The following ACOX2 variants were observed in gnomAD, a reference collection of about 807,000 sequenced individuals.
The protein encoded by ACOX2 is acyl-CoA oxidase 2, also known as peroxisomal acyl-coenzyme A oxidase 2.
In ACOX2, 59 loss-of-function variants were observed where a neutral mutation model predicts 77.5. The observed-to-expected ratio is 0.76, with a 90% CI of 0.62 to 0.95. The LOEUF is 0.95. ACOX2 is among the 40% of genes least tolerant of loss of function. The probability of loss-of-function intolerance (pLI) is 0.00; values close to 1 mark genes in which losing one functional copy is unlikely to be tolerated. For missense variants in ACOX2, 837 were observed against 880.4 expected (o/e 0.95, Z 0.62); for synonymous variants, 317 against 340.1 (o/e 0.93, Z 0.75).
rs140322378 is a variant in ACOX2 at position 58,535,333 on chromosome 3, G to A, written c.-91-136C>T. The A allele has an allele frequency of 4.2e-4, 243 of 584,264 alleles. 6 individuals are homozygous for A. In the East Asian group the frequency reaches 5.5e-3, roughly 13 times the overall value. The allele number at this position is 584,264 out of a possible 1,614,324, so 36.2% of individuals were successfully genotyped here. ...ACACTGGCTGTGGACCAGGCACTGT[G>A]TGCATGGTAGGCATGGTATGCAGCC... On this transcript the variant is annotated intron_variant, in intron 1 of 14. Coordinates refer to ENST00000302819, the MANE Select transcript of ACOX2 (RefSeq NM_003500.4). The surrounding 1 kb of genome is among the most constrained non-coding windows in gnomAD (Gnocchi z 4.8).
At chr3:58,530,022 A>C (rs2063425137) in intron 8 of ACOX2, among the ~76,000 whole-genome samples, 1 of 152,228 alleles carries the variant, frequency 6.6e-6, no homozygotes, top group Non-Finnish European at 1.5e-5. Flanking sequence ...CACACAGTCG[A>C]TATGATATTG....
chr3:58,512,525 T>G lies in ACOX2; in HGVS notation c.1851-3500A>C, dbSNP rs766981197. ...CCATGCTCAAAACCCTCGCATTCTC[T>G]TAAGTCTTTGCAATGATCTACCTTA... On this transcript the variant is annotated intron_variant, in intron 13 of 14. Coordinates refer to ENST00000302819, the MANE Select transcript of ACOX2 (RefSeq NM_003500.4). The surrounding 1 kb of genome is among the most constrained non-coding windows in gnomAD (Gnocchi z 4.8). Among the ~76,000 whole-genome samples, 14 of 152,202 alleles carry G rather than the reference T, an allele frequency of 9.2e-5. No individual in the cohort carries two copies. The highest frequency in any genetic ancestry group is 1.9e-4 in the Non-Finnish European group (13 of 68,034).
rs1359591703 is a variant in ACOX2, at chr3:58,522,612, A to C, written c.1527-11T>G. 1 of 1,613,678 alleles carries C rather than the reference A, an allele frequency of 6.2e-7. No individual in the cohort carries two copies. The highest frequency in any genetic ancestry group is 8.5e-7 in the Non-Finnish European group (1 of 1,179,580). On this transcript the variant is annotated splice_polypyrimidine_tract_variant and intron_variant, in intron 11 of 14. Transcript: ENST00000302819. The surrounding 1 kb of genome is among the most constrained non-coding windows in gnomAD (Gnocchi z 4.3). Reference sequence around the variant, plus strand: ...GAGTCCTTTATGAGCCTGAAAGCCAAAGCAAAAAAGGTTCAGCTTCCTGAC... The same window carrying C: ...GAGTCCTTTATGAGCCTGAAAGCCACAGCAAAAAAGGTTCAGCTTCCTGAC...
Position 58,531,842 on chromosome 3 carries a change from C to T in ACOX2, c.584-30G>A, listed in dbSNP as rs776694700. On this transcript the variant is annotated intron_variant, in intron 5 of 14. Coordinates refer to ENST00000302819, the MANE Select transcript of ACOX2 (RefSeq NM_003500.4). This position sits in a 1 kb window ranked among gnomAD's most constrained non-coding sequence, Gnocchi z 5.8. ...GGGCAGAGAGAGTAGCGGCCCGTCA[C>T]AGGAAGACCTGTGCATTGCTTTTCC... The T allele has an allele frequency of 6.2e-6, 10 of 1,602,710 alleles. No homozygotes were observed. In the Admixed American group the frequency reaches 1.2e-4, roughly 19 times the overall value.
In ACOX2 at chr3:58,533,792, C is replaced by T. The variant is rs1169679167; in HGVS notation, c.475+202G>A. 1.4e-6 allele frequency: 1 copy of T among 728,376 alleles called. No individual in the cohort carries two copies. The highest frequency in any genetic ancestry group is 2.2e-6 in the Non-Finnish European group (1 of 451,346). 45.1% of individuals were successfully genotyped at this position (728,376 alleles called of 1,614,324 possible). A position where few individuals can be genotyped will look rare whatever the true frequency, so the allele number is the denominator to read the frequency against. ...GATGTTTCCAGAAGGAATGACTTGCCCCACTGGGAGCTCATACAATACGTG... is the reference window on the plus strand; with the variant it reads ...GATGTTTCCAGAAGGAATGACTTGCTCCACTGGGAGCTCATACAATACGTG... On this transcript the variant is annotated intron_variant, in intron 4 of 14. Coordinates refer to ENST00000302819, the MANE Select transcript of ACOX2 (RefSeq NM_003500.4). The surrounding 1 kb of genome is among the most constrained non-coding windows in gnomAD (Gnocchi z 5.6).
At chr3:58,529,597 C>T (rs2063422032) in intron 8 of ACOX2, among the ~76,000 whole-genome samples, 1 of 152,224 alleles carries the variant, frequency 6.6e-6, no homozygotes, top group South Asian at 2.1e-4. Context: ...GACACTTCTG[C>T]AGCCCAGATA....
At position 58,534,612 on chromosome 3, in the gene ACOX2, G is replaced by A. The variant is rs2108013254; in HGVS notation, c.161-90C>T. ...CTCACCCACTTGCTTCATGGATCTG[G>A]AAAGGAAGTCAGACATTATTGTTAT... On this transcript the variant is annotated intron_variant, in intron 2 of 14. Coordinates refer to ENST00000302819, the MANE Select transcript of ACOX2 (RefSeq NM_003500.4). This position sits in a 1 kb window ranked among gnomAD's most constrained non-coding sequence, Gnocchi z 4.8. 1 of 1,605,814 alleles carries A rather than the reference G, an allele frequency of 6.2e-7. No homozygotes were observed. Among genetic ancestry groups the A allele is most frequent in the Non-Finnish European group, 8.5e-7 (1 of 1,177,586 alleles).
Position 58,515,138 on chromosome 3 carries a change from A to T in ACOX2, c.1850+2068T>A, listed in dbSNP as rs2063313254. On this transcript the variant is annotated intron_variant, in intron 13 of 14. Transcript: ENST00000302819. This position sits in a 1 kb window ranked among gnomAD's most constrained non-coding sequence, Gnocchi z 4.0. ...TCCCGGGTTCAAGCGATTCTGCCTC[A>T]GCCTCCCAAGTAACTGGGATTACAG... 6.6e-6 allele frequency among the ~76,000 whole-genome samples: 1 copy of T among 151,948 alleles called. No homozygotes were observed. Among genetic ancestry groups the T allele is most frequent in the South Asian group, 2.1e-4 (1 of 4,828 alleles).
rs148039928 is a variant in ACOX2, at chr3:58,534,414, A to T, written c.269T>A (p.Ile90Lys). 2 of 1,614,078 alleles carry T rather than the reference A, an allele frequency of 1.2e-6. No homozygotes were observed. Among genetic ancestry groups the T allele is most frequent in the Admixed American group, 1.7e-5 (1 of 60,004 alleles). The change falls in exon 3 of 15, where the codon ATA becomes AAA. Residue 90 changes from isoleucine to lysine, a missense_variant. Coordinates refer to ENST00000302819, the MANE Select transcript of ACOX2 (RefSeq NM_003500.4). The surrounding 1 kb of genome is among the most constrained non-coding windows in gnomAD (Gnocchi z 4.8). ...AMRRAFHIRL[I>K]ARRLGWLEDG... ...TTCTAACCAACCCAGGCGCCGAGCT[A>T]TCAACCGGATGTGGAATGCCCTCCG...
In ACOX2 at chr3:58,528,285, C is replaced by T. The variant is rs995068494; in HGVS notation, c.1155+509G>A. On this transcript the variant is annotated intron_variant, in intron 9 of 14. Transcript: ENST00000302819. This position sits in a 1 kb window ranked among gnomAD's most constrained non-coding sequence, Gnocchi z 5.6. ...AAGTCCACAATGCTTTACCTGAGAC[C>T]TGTGAGCCAGATGTGTTTAGGAATC... Among the ~76,000 whole-genome samples the T allele has an allele frequency of 1.3e-5, 2 of 152,200 alleles. No individual in the cohort carries two copies. Among genetic ancestry groups the T allele is most frequent in the Non-Finnish European group, 1.5e-5 (1 of 68,038 alleles).
Position 58,531,245 on chromosome 3 carries a change from T to C in ACOX2, c.819+6A>G, listed in dbSNP as rs1159280598. 1 of 1,611,612 alleles carries C rather than the reference T, an allele frequency of 6.2e-7. No homozygotes were observed. The highest frequency in any genetic ancestry group is 2.2e-5 in the East Asian group (1 of 44,842). ...TACAAGTCCCCGGCCTCCCCAGATCTGTAACCTGTGCAAAGCGACTCAGCA... is the reference window on the plus strand; with the variant it reads ...TACAAGTCCCCGGCCTCCCCAGATCCGTAACCTGTGCAAAGCGACTCAGCA... On this transcript the variant is annotated splice_donor_region_variant and intron_variant, in intron 7 of 14. Transcript: ENST00000302819. The surrounding 1 kb of genome is among the most constrained non-coding windows in gnomAD (Gnocchi z 5.8).
At chr3:58,509,732 A>C (rs929305799) in intron 13 of ACOX2, among the ~76,000 whole-genome samples, 15 of 148,152 alleles carry the variant, frequency 1.0e-4, no homozygotes, top group Non-Finnish European at 2.1e-4. Context: ...CAACCTCCCG[A>C]GTAGTTGGGA....
rs1044222858 is a variant in ACOX2, at chr3:58,535,655, T to G, written c.-91-458A>C. 2.6e-5 allele frequency among the ~76,000 whole-genome samples: 4 copies of G among 152,152 alleles called. No homozygotes were observed. The highest frequency in any genetic ancestry group is 9.7e-5 in the African/African-American group (4 of 41,444). ...TGGGGGCACCTTGGTCTCATTAAAC[T>G]GCTCATAAGTTCTAGGATCACTCAG... On this transcript the variant is annotated intron_variant, in intron 1 of 14. Coordinates refer to ENST00000302819, the MANE Select transcript of ACOX2 (RefSeq NM_003500.4). The surrounding 1 kb of genome is among the most constrained non-coding windows in gnomAD (Gnocchi z 4.8).
chr3:58,517,316 G>A lies in ACOX2; in HGVS notation c.1740C>T (p.Ala580=). The A allele has an allele frequency of 6.2e-7, 1 of 1,614,032 alleles. No individual in the cohort carries two copies. The highest frequency in any genetic ancestry group is 8.5e-7 in the Non-Finnish European group (1 of 1,179,906). Residue 580 remains alanine, a synonymous_variant, in exon 13 of 15, where the codon GCC becomes GCT. Transcript: ENST00000302819. ...QVLKRLCDLH[A]IHGILTNSGD... is the part of the protein sequence containing the mutation. ...CCGAGTTAGTCAAGATTCCATGTAT[G>A]GCATGGAGGTCACAGAGGCGCTTGA...
At chr3:58,529,529 G>A (rs2063421422) in intron 8 of ACOX2, among the ~76,000 whole-genome samples, 1 of 152,192 alleles carries the variant, frequency 6.6e-6, no homozygotes, top group Non-Finnish European at 1.5e-5. Context: ...ATTACAAGAA[G>A]CCTCCTCTAC....
Position 58,526,384 on chromosome 3 carries a change from C to T in ACOX2, c.1346+82G>A. On this transcript the variant is annotated intron_variant, in intron 10 of 14. Coordinates refer to ENST00000302819, the MANE Select transcript of ACOX2 (RefSeq NM_003500.4). This position sits in a 1 kb window ranked among gnomAD's most constrained non-coding sequence, Gnocchi z 4.3. ...CGCAAAGCCTGCTCTTTTTATGGGC[C>T]TCAGACGGAACCCTCCACCCAACAG... 2.1e-6 allele frequency: 3 copies of T among 1,454,606 alleles called. No homozygotes were observed. The highest frequency in any genetic ancestry group is 1.8e-6 in the Non-Finnish European group (2 of 1,089,156). The allele number at this position is 1,454,606 out of a possible 1,614,324, so 90.1% of individuals were successfully genotyped here. A position where few individuals can be genotyped will look rare whatever the true frequency, so the allele number is the denominator to read the frequency against.
chr3:58,533,765 CTGA>C lies in ACOX2; in HGVS notation c.476-216_476-214del. On this transcript the variant is annotated intron_variant, in intron 4 of 14. Transcript: ENST00000302819. This position sits in a 1 kb window ranked among gnomAD's most constrained non-coding sequence, Gnocchi z 5.6. ...GCCAGTCCATGAGAAGGGGTGGCTG[CTGA>C]TGTTTCCAGAAGGAATGACTTGCCC... 3 of 681,278 alleles carry C rather than the reference CTGA, an allele frequency of 4.4e-6. No homozygotes were observed. Among genetic ancestry groups the C allele is most frequent in the South Asian group, 1.9e-5 (1 of 51,464 alleles). 42.2% of individuals were successfully genotyped at this position (681,278 alleles called of 1,614,324 possible). A position where few individuals can be genotyped will look rare whatever the true frequency, so the allele number is the denominator to read the frequency against.
At position 58,534,631 on chromosome 3, in the gene ACOX2, T is replaced by C. The variant is rs958073022; in HGVS notation, c.161-109A>G. ...GATCTGGAAAGGAAGTCAGACATTA[T>C]TGTTATTTTACAGATGACAAAACTG... On this transcript the variant is annotated intron_variant, in intron 2 of 14. Coordinates refer to ENST00000302819, the MANE Select transcript of ACOX2 (RefSeq NM_003500.4). This position sits in a 1 kb window ranked among gnomAD's most constrained non-coding sequence, Gnocchi z 4.8. The C allele has an allele frequency of 1.3e-6, 2 of 1,586,696 alleles. No individual in the cohort carries two copies. Among genetic ancestry groups the C allele is most frequent in the East Asian group, 2.3e-5 (1 of 44,412 alleles).
chr3:58,513,006 A>G (rs955696200), intron 13 of ACOX2, among the ~76,000 whole-genome samples: 1 of 152,104 alleles, frequency 6.6e-6, no homozygotes, highest in Non-Finnish European at 1.5e-5. Context: ...TCTGCCTGTA[A>G]TGCTCTTTCC....
Sources: gnomAD v4.1 joint callset for allele counts (sites outside exome capture counted in the v4.1 genomes callset) on GRCh38, gnomAD v4.1.1 for gene constraint, Gnocchi (gnomAD v3.1) non-coding constraint, MANE v1.5 for transcripts, NCBI Gene and HGNC (gene_info 2026-07-23, HGNC 2026-07-21) for gene names.